The following LNX1 variants were observed in gnomAD, a reference collection of about 807,000 sequenced individuals.
LNX1 encodes E3 ubiquitin-protein ligase LNX.
Under a neutral mutation model 68.4 loss-of-function variants are expected in LNX1, and 54 were observed. That is an observed-to-expected ratio of 0.79 (90% CI 0.63 to 0.99). The LOEUF is 0.99. Ranked by LOEUF, LNX1 falls within the 50% of genes least tolerant of loss-of-function variation. The probability of loss-of-function intolerance (pLI) is 0.00; values close to 1 mark genes in which losing one functional copy is unlikely to be tolerated. For missense variants in LNX1, 906 were observed against 926.4 expected, an observed-to-expected ratio of 0.98 and a Z score of 0.29; for synonymous variants, 336 against 350.0, an observed-to-expected ratio of 0.96 and a Z score of 0.45.
chr4:53,610,228 A>G (rs529590722), intron 2 of LNX1, among the ~76,000 whole-genome samples: 1 of 152,178 alleles, frequency 6.6e-6, no homozygotes, highest in Non-Finnish European at 1.5e-5. Context: ...ACATTATCTG[A>G]TCATAATTCA....
intron 2 of LNX1, among the ~76,000 whole-genome samples, chr4:53,523,764 G>C (rs1415182647): frequency 6.6e-6 from 1 of 152,106 alleles, no homozygotes; most frequent in Non-Finnish European, 1.5e-5. Flanking sequence ...TCTGCTTTTA[G>C]GTAGTTTTAG....
chr4:53,507,345 T>C lies in LNX1; in HGVS notation c.747A>G (p.Glu249=). 6.2e-7 allele frequency: 1 copy of C among 1,614,124 alleles called. No individual in the cohort carries two copies. The highest frequency in any genetic ancestry group is 8.5e-7 in the Non-Finnish European group (1 of 1,180,012). The change falls in exon 4 of 11, where the codon GAA becomes GAG. Residue 249 remains glutamate (E), a synonymous_variant. Coordinates refer to ENST00000263925, the MANE Select transcript of LNX1 (RefSeq NM_001126328.3). The stretch of plus-strand genomic sequence containing the variant: ...CAGGGGCAGTGGTGTTTTCAGAATT[T>C]TCCCTGCCCTGGTCGGCATGGTTGG... The part of the protein sequence containing the change: ...AVANHADQGR[E]NSENTTAPEV...
chr4:53,468,172 G>T (rs1722849854), intron 9 of LNX1, among the ~76,000 whole-genome samples: 2 of 152,340 alleles, frequency 1.3e-5, no homozygotes, highest in East Asian at 1.9e-4. Flanking sequence ...CCAGAAGAGA[G>T]TGGGGGCCAA....
intron 2 of LNX1, among the ~76,000 whole-genome samples, chr4:53,533,406 C>T (rs1728150607): frequency 6.6e-6 from 1 of 152,114 alleles, no homozygotes; most frequent in African/African-American, 2.4e-5. Context: ...TATCTGGAGA[C>T]TTTTTTATTT....
At chr4:53,485,801 G>C (rs942298554) in intron 6 of LNX1, among the ~76,000 whole-genome samples, 3 of 152,158 alleles carry the variant, frequency 2.0e-5, no homozygotes, top group African/African-American at 7.2e-5. Context: ...TGTGAGGAGG[G>C]GGAGTATAGG....
chr4:53,519,978 A>T (rs1262421196), intron 2 of LNX1, among the ~76,000 whole-genome samples: 1 of 152,230 alleles, frequency 6.6e-6, no homozygotes. Context: ...TAAGTGACAG[A>T]GACAGAATTT....
chr4:53,533,437 C>T (rs1728153706), intron 2 of LNX1, among the ~76,000 whole-genome samples: 1 of 152,176 alleles, frequency 6.6e-6, no homozygotes, highest in African/African-American at 2.4e-5. Flanking sequence ...CTCCCTCTGT[C>T]GCCCAGGCTG....
At chr4:53,643,809 A>C (rs900412011) in intron 1 of LNX1, among the ~76,000 whole-genome samples, 9 of 152,182 alleles carry the variant, frequency 5.9e-5, no homozygotes, top group African/African-American at 2.2e-4. Flanking sequence ...AGAATTATGA[A>C]AATTAAACAA....
intron 2 of LNX1, among the ~76,000 whole-genome samples, chr4:53,546,536 A>T (rs572461704): frequency 6.6e-6 from 1 of 152,340 alleles, no homozygotes; most frequent in South Asian, 2.1e-4. Flanking sequence ...AAAAAATGTC[A>T]TAACTTGTTC....
At chr4:53,592,191 G>C (rs73147498), upstream of LNX1, among the ~76,000 whole-genome samples, 1,426 of 151,556 alleles carry the variant, frequency 9.4e-3, 15 homozygotes, top group African/African-American at 0.033. Context: ...CAGTTACAGT[G>C]CACTGCAGGC....
chr4:53,625,816 G>A (rs1241429895), intron 1 of LNX1, among the ~76,000 whole-genome samples: 1 of 149,580 alleles, frequency 6.7e-6, no homozygotes, highest in African/African-American at 2.5e-5. Context: ...CAAAATGTTA[G>A]TTACCATATG....
chr4:53,532,436 A>C (rs891423703), intron 2 of LNX1, among the ~76,000 whole-genome samples: 1 of 152,032 alleles, frequency 6.6e-6, no homozygotes, highest in Admixed American at 6.6e-5. Context: ...GATAGACTCC[A>C]TCTCAAATAA....
At chr4:53,507,610 AT>A in intron 3 of LNX1, 141 bp from the exon 4 acceptor site, 3 of 986,458 alleles carry the variant, frequency 3.0e-6, no homozygotes, top group Non-Finnish European at 4.5e-6. Context: ...GCTTACCTGT[AT>A]TTTTTAAGTT....
chr4:53,486,203 C>T (rs1724279082), intron 6 of LNX1, among the ~76,000 whole-genome samples: 1 of 152,164 alleles, frequency 6.6e-6, no homozygotes, highest in Admixed American at 6.5e-5. Flanking sequence ...TGCGCCAGTT[C>T]ACCCCTCCTT....
intron 2 of LNX1, among the ~76,000 whole-genome samples, chr4:53,515,369 T>C (rs1726686380): frequency 6.6e-6 from 1 of 152,194 alleles, no homozygotes; most frequent in Admixed American, 6.5e-5. Context: ...AATTACAGCA[T>C]TGGGAATTGT....
intron 2 of LNX1, among the ~76,000 whole-genome samples, chr4:53,555,372 C>T (rs10000457): frequency 0.019 from 2,886 of 152,214 alleles, 91 homozygotes; most frequent in African/African-American, 0.065. Flanking sequence ...CCTCATTCCT[C>T]TAAGCACTTC....
intron 2 of LNX1, among the ~76,000 whole-genome samples, chr4:53,523,640 G>A (rs182540460): frequency 6.6e-6 from 1 of 152,296 alleles, no homozygotes; most frequent in East Asian, 1.9e-4. Context: ...TCAGATAGTA[G>A]CCTATTAGTA....
intron 2 of LNX1, among the ~76,000 whole-genome samples, chr4:53,569,262 A>T (rs1376688617): frequency 6.6e-6 from 1 of 150,716 alleles, no homozygotes; most frequent in Non-Finnish European, 1.5e-5. Flanking sequence ...ACTTCAAACT[A>T]TACTACAAGG....
intron 6 of LNX1, among the ~76,000 whole-genome samples, chr4:53,486,840 A>G (rs1724337485): frequency 6.6e-6 from 1 of 152,220 alleles, no homozygotes; most frequent in African/African-American, 2.4e-5. Flanking sequence ...GCAGAGCTAT[A>G]CACTGGAGCA....
Sources: gnomAD v4.1 joint callset for allele counts (sites outside exome capture counted in the v4.1 genomes callset) on GRCh38, gnomAD v4.1.1 for gene constraint, MANE v1.5 for transcripts, NCBI Gene and HGNC (gene_info 2026-07-23, HGNC 2026-07-21) for gene names.